TM7SF3: variants seen among roughly 807,000 people sequenced by gnomAD.
TM7SF3 encodes the protein seven span transmembrane protein.
Under a neutral mutation model 65.5 loss-of-function variants are expected in TM7SF3, and 60 were observed. The observed-to-expected ratio is 0.92, with a 90% CI of 0.74 to 1.14. TM7SF3 has a LOEUF of 1.14. TM7SF3 is among the 50% of genes most tolerant of loss of function. TM7SF3 has a pLI of 0.00. For synonymous variants in TM7SF3, 264 were observed against 259.6 expected (o/e 1.02, Z -0.16); for missense variants, 623 against 684.8 (o/e 0.91, Z 1.01).
chr12:27,014,286 CGCCAGGTGCAGACGCTTCGCACCT>C lies in TM7SF3; in HGVS notation c.-142_-119del. 1.1e-6 allele frequency: 1 copy of C among 879,800 alleles called. No individual in the cohort carries two copies. Among genetic ancestry groups the C allele is most frequent in the Non-Finnish European group, 1.6e-6 (1 of 616,152 alleles). 54.5% of individuals were successfully genotyped at this position (879,800 alleles called of 1,614,324 possible). On this transcript the variant is annotated 5_prime_UTR_variant, in exon 1 of 12. Coordinates refer to ENST00000343028, the MANE Select transcript of TM7SF3 (RefSeq NM_016551.3). ...GGCGCCCGCATCGGGCGCCATCGCC[CGCCAGGTGCAGACGCTTCGCACCT>C]GCCAGCTCCGCAGCCGCCGGCGCGC...
chr12:27,007,590 A>C (rs996510209), intron 1 of TM7SF3, among the ~76,000 whole-genome samples: 1 of 152,102 alleles, frequency 6.6e-6, no homozygotes, highest in African/African-American at 2.4e-5. Context: ...TTAAATCAAA[A>C]TCCCTGGGGC....
Position 26,973,875 on chromosome 12 carries a change from T to C in TM7SF3, c.*90A>G. The C allele has an allele frequency of 6.7e-7, 1 of 1,482,776 alleles. No individual in the cohort carries two copies. The highest frequency in any genetic ancestry group is 9.1e-7 in the Non-Finnish European group (1 of 1,102,730). The allele number at this position is 1,482,776 out of a possible 1,614,324, so 91.9% of individuals were successfully genotyped here. A position where few individuals can be genotyped will look rare whatever the true frequency, so the allele number is the denominator to read the frequency against. On this transcript the variant is annotated 3_prime_UTR_variant, in exon 12 of 12. Coordinates refer to ENST00000343028, the MANE Select transcript of TM7SF3 (RefSeq NM_016551.3). ...TATGCAAAGAACAGATATATATGCC[T>C]GATCTCTTATTAGACTTGCACCAGA...
rs1167768267 is a variant in TM7SF3 at position 26,972,042 on chromosome 12, G to A, written c.*1923C>T. On this transcript the variant is annotated 3_prime_UTR_variant, in exon 12 of 12. Transcript: ENST00000343028. ...TAGTGGTTAACTCATAAACGTGTAT[G>A]CAACAACATTCCACAACCCTAATAC... The A allele has an allele frequency of 6.6e-6, 1 of 152,182 alleles. No homozygotes were observed. Among genetic ancestry groups the A allele is most frequent in the African/African-American group, 2.4e-5 (1 of 41,448 alleles). 9.4% of individuals were successfully genotyped at this position (152,182 alleles called of 1,614,324 possible).
At chr12:27,008,380 T>C (rs1387254015) in intron 1 of TM7SF3, among the ~76,000 whole-genome samples, 1 of 152,200 alleles carries the variant, frequency 6.6e-6, no homozygotes, top group Non-Finnish European at 1.5e-5. Flanking sequence ...ATATTAAAAA[T>C]GGAACTGTCC....
intron 5 of TM7SF3, among the ~76,000 whole-genome samples, chr12:26,991,694 C>G (rs1192758162): frequency 6.6e-6 from 1 of 152,102 alleles, no homozygotes; most frequent in Non-Finnish European, 1.5e-5. Context: ...ATATTACTCC[C>G]AAGTTACAAT....
chr12:26,985,712 G>C (rs1940046259), intron 6 of TM7SF3, among the ~76,000 whole-genome samples: 1 of 134,434 alleles, frequency 7.4e-6, no homozygotes, highest in Middle Eastern at 4.8e-3. Flanking sequence ...AAGGTCTCTT[G>C]CATTGTATCC....
Position 26,981,315 on chromosome 12 carries a change from T to G in TM7SF3, c.956-669A>C, listed in dbSNP as rs541538282. Among the ~76,000 whole-genome samples the G allele has an allele frequency of 5.9e-5, 9 of 152,286 alleles. 1 individual carries two copies. The East Asian group carries it at 1.2e-3, about 20-fold the overall frequency. ...TATCTCAATTTCAATAAATATAAAA[T>G]GATACATATCAACACACCAAAAAAA... On this transcript the variant is annotated intron_variant, in intron 7 of 11. Transcript: ENST00000343028.
At chr12:27,004,573 C>CT (rs927964596) in intron 1 of TM7SF3, among the ~76,000 whole-genome samples, 51 of 148,426 alleles carry the variant, frequency 3.4e-4, no homozygotes, top group East Asian at 1.8e-3. Context: ...ATTTTCAACA[C>CT]TTTTTTTTTT....
At chr12:27,011,048 A>T (rs1246712311) in intron 1 of TM7SF3, among the ~76,000 whole-genome samples, 1 of 152,252 alleles carries the variant, frequency 6.6e-6, no homozygotes, top group Admixed American at 6.5e-5. Context: ...TTCACATTAA[A>T]AACAAAAATG....
chr12:27,003,492 C>G, intron 1 of TM7SF3, 102 bp from the exon 2 acceptor site: 1 of 1,135,240 alleles, frequency 8.8e-7, no homozygotes, highest in Non-Finnish European at 1.2e-6. Flanking sequence ...CAGAAAAACT[C>G]CTTGAGGTAA....
At chr12:26,996,294 G>A (rs1160111228) in intron 4 of TM7SF3, among the ~76,000 whole-genome samples, 1 of 152,098 alleles carries the variant, frequency 6.6e-6, no homozygotes, top group Non-Finnish European at 1.5e-5. Context: ...AAATGGCAAA[G>A]AACATAACAA....
Position 26,995,254 on chromosome 12 carries a change from T to C in TM7SF3, c.673A>G (p.Lys225Glu). ...LQRMVSVPQVKASALKVVTLT... is the reference protein window; with the variant it reads ...LQRMVSVPQVEASALKVVTLT... ...AGATTTACCTTGAGAGCACTGGCCTTCACCTGGGGCACACTGACCATCCTC... is the reference window on the plus strand; with the variant it reads ...AGATTTACCTTGAGAGCACTGGCCTCCACCTGGGGCACACTGACCATCCTC... The change falls in exon 5 of 12, where the codon AAG (lysine) becomes GAG (glutamate). Residue 225 changes from lysine (K) to glutamate (E), a missense_variant. Transcript: ENST00000343028. The C allele has an allele frequency of 6.2e-7, 1 of 1,613,968 alleles. No homozygotes were observed. The highest frequency in any genetic ancestry group is 8.5e-7 in the Non-Finnish European group (1 of 1,179,952).
chr12:26,995,384 G>T lies in TM7SF3; in HGVS notation c.543C>A (p.Asp181Glu). 6.2e-7 allele frequency: 1 copy of T among 1,614,158 alleles called. No homozygotes were observed. Among genetic ancestry groups the T allele is most frequent in the South Asian group, 1.1e-5 (1 of 91,078 alleles). The change falls in exon 5 of 12, where the codon GAC becomes GAA. Residue 181 changes from aspartate to glutamate, a missense_variant. By Grantham distance (45) the Asp-to-Glu change is conservative. Transcript: ENST00000343028. ...YARGVDPPPCDAGTDQDSRWR... is the reference protein window; with the variant it reads ...YARGVDPPPCEAGTDQDSRWR... The stretch of plus-strand genomic sequence containing the variant: ...ACCTGGAGTCCTGGTCTGTCCCAGC[G>T]TCACATGGTGGGGGATCTACGCCTC...
intron 2 of TM7SF3, among the ~76,000 whole-genome samples, chr12:27,001,348 G>A (rs1227857002): frequency 6.6e-6 from 1 of 152,198 alleles, no homozygotes; most frequent in Admixed American, 6.5e-5. Flanking sequence ...TATCACTGGT[G>A]ATGCTGACAT....
intron 9 of TM7SF3, chr12:26,979,398 G>A: frequency 5.4e-6 from 1 of 186,198 alleles, no homozygotes; most frequent in Non-Finnish European, 1.1e-5. Context: ...GACACCTGGG[G>A]TTTGGCAGCG....
At chr12:26,996,966 G>A (rs1940625674) in intron 3 of TM7SF3, 104 bp from the exon 4 acceptor site, 1 of 1,204,480 alleles carries the variant, frequency 8.3e-7, no homozygotes, top group African/African-American at 1.6e-5. Context: ...TTCCCAAATA[G>A]AAGTTAAATA....
chr12:26,992,726 A>G (rs1276959080), intron 5 of TM7SF3, among the ~76,000 whole-genome samples: 1 of 152,220 alleles, frequency 6.6e-6, no homozygotes, highest in Non-Finnish European at 1.5e-5. Flanking sequence ...AGAGTATCAT[A>G]CTGTATATTG....
At chr12:27,012,889 T>C (rs1037609559) in intron 1 of TM7SF3, 1 of 360,494 alleles carries the variant, frequency 2.8e-6, no homozygotes, top group Non-Finnish European at 5.4e-6. Flanking sequence ...TCCCAGCTAC[T>C]CTGGAGGCTG....
intron 1 of TM7SF3, chr12:27,012,569 T>A: frequency 2.2e-6 from 1 of 455,382 alleles, no homozygotes; most frequent in Admixed American, 2.4e-5. Flanking sequence ...GAAAAGCACA[T>A]GATGATCTGC....
Sources: gnomAD v4.1 joint callset for allele counts (sites outside exome capture counted in the v4.1 genomes callset) on GRCh38, gnomAD v4.1.1 for gene constraint, MANE v1.5 for transcripts, NCBI Gene and HGNC (gene_info 2026-07-23, HGNC 2026-07-21) for gene names.